The following CDH12 variants were observed in gnomAD, a reference collection of about 807,000 sequenced individuals.
CDH12 encodes the protein cadherin 12, also known as cadherin-12.
In CDH12, 41 loss-of-function variants were observed where a neutral mutation model predicts 74.1. The ratio of observed to expected loss-of-function variants is 0.55; its 90% CI spans 0.43 to 0.72. The LOEUF is 0.72. CDH12 is among the 30% of genes least tolerant of loss of function. The probability of loss-of-function intolerance (pLI) is 0.00; values close to 1 mark genes in which losing one functional copy is unlikely to be tolerated. For missense variants in CDH12, 945 were observed against 977.2 expected, an observed-to-expected ratio of 0.97 and a Z score of 0.44; for synonymous variants, 399 against 355.0, an observed-to-expected ratio of 1.12 and a Z score of -1.39.
intron 1 of CDH12, among the ~76,000 whole-genome samples, chr5:22,754,404 G>T (rs745733702): frequency 1.3e-5 from 2 of 152,028 alleles, no homozygotes; most frequent in Non-Finnish European, 2.9e-5. Context: ...AAGTGAACAG[G>T]CAGATGGAAA....
At chr5:22,660,795 C>G in intron 1 of CDH12, among the ~76,000 whole-genome samples, 1 of 152,244 alleles carries the variant, frequency 6.6e-6, no homozygotes, top group South Asian at 2.1e-4. Flanking sequence ...ATATTTCCAT[C>G]TAGATATTTT....
intron 3 of CDH12, among the ~76,000 whole-genome samples, chr5:22,319,958 G>A (rs1738798802): frequency 2.0e-5 from 3 of 152,120 alleles, no homozygotes; most frequent in Non-Finnish European, 4.4e-5. Context: ...GGAGAAGGGA[G>A]ATGGAGACTA....
intron 1 of CDH12, among the ~76,000 whole-genome samples, chr5:22,747,681 T>C (rs965588568): frequency 6.6e-6 from 1 of 151,952 alleles, no homozygotes; most frequent in Admixed American, 6.6e-5. Flanking sequence ...TAGCTAAAGT[T>C]GCATTTGAGT....
chr5:22,330,453 A>G (rs1417304267), intron 3 of CDH12, among the ~76,000 whole-genome samples: 3 of 151,958 alleles, frequency 2.0e-5, no homozygotes, highest in Non-Finnish European at 2.9e-5. Flanking sequence ...AAGACTCCCT[A>G]TATTAAAGAA....
At chr5:22,331,237 C>T (rs1326020230) in intron 3 of CDH12, among the ~76,000 whole-genome samples, 1 of 152,142 alleles carries the variant, frequency 6.6e-6, no homozygotes, top group Non-Finnish European at 1.5e-5. Flanking sequence ...GGGGAGCTTG[C>T]CATTCTAAAG....
chr5:22,674,300 TG>T (rs1169003912), intron 1 of CDH12, among the ~76,000 whole-genome samples: 2 of 152,140 alleles, frequency 1.3e-5, no homozygotes, highest in African/African-American at 4.8e-5. Context: ...GAATAAGTCT[TG>T]GGAGATCTGA....
intron 1 of CDH12, among the ~76,000 whole-genome samples, chr5:22,618,012 CTG>C (rs2126835677): frequency 6.6e-6 from 1 of 152,200 alleles, no homozygotes; most frequent in Non-Finnish European, 1.5e-5. Context: ...GATGCAGAAA[CTG>C]AGAATCGGAA....
At chr5:22,465,124 C>G (rs1745676128) in intron 2 of CDH12, among the ~76,000 whole-genome samples, 1 of 152,036 alleles carries the variant, frequency 6.6e-6, no homozygotes, top group African/African-American at 2.4e-5. Context: ...ATTTTGGAAT[C>G]TCTTGTATCT....
intron 1 of CDH12, among the ~76,000 whole-genome samples, chr5:22,688,035 C>G (rs1457588264): frequency 6.6e-6 from 1 of 151,870 alleles, no homozygotes; most frequent in Non-Finnish European, 1.5e-5. Flanking sequence ...TAGAAAGCAC[C>G]GAGAATTTAT....
At chr5:22,269,489 C>G (rs753509737) in intron 3 of CDH12, among the ~76,000 whole-genome samples, 1 of 152,060 alleles carries the variant, frequency 6.6e-6, no homozygotes, top group African/African-American at 2.4e-5. Flanking sequence ...TAGACTCTTT[C>G]TATATAAGCA....
At chr5:22,610,693 T>C (rs984881231) in intron 1 of CDH12, among the ~76,000 whole-genome samples, 11 of 152,206 alleles carry the variant, frequency 7.2e-5, no homozygotes, top group Admixed American at 7.2e-4. Context: ...TATTTTAATA[T>C]CTTATTTTAC....
chr5:22,118,910 G>GA (rs1745331123), intron 4 of CDH12, among the ~76,000 whole-genome samples: 1 of 152,142 alleles, frequency 6.6e-6, no homozygotes, highest in Non-Finnish European at 1.5e-5. Flanking sequence ...TGAGGATGAA[G>GA]TTGTTAAGCA....
intron 5 of CDH12, among the ~76,000 whole-genome samples, chr5:22,050,664 T>G (rs185205860): frequency 1.3e-5 from 2 of 152,126 alleles, no homozygotes; most frequent in African/African-American, 4.8e-5. Context: ...TGGAGTTAAT[T>G]TGGTCTTGGA....
rs1747291924 is a variant in CDH12 at position 22,779,729 on chromosome 5, AG to A, written c.-523+73328del. 4.6e-5 allele frequency among the ~76,000 whole-genome samples: 7 copies of A among 152,028 alleles called. No homozygotes were observed. In the South Asian group the frequency reaches 1.5e-3, roughly 32 times the overall value. On this transcript the variant is annotated intron_variant, in intron 1 of 14. Coordinates refer to ENST00000382254, the MANE Select transcript of CDH12 (RefSeq NM_004061.5). Reference sequence around the variant, plus strand: ...GCGTTCTAACTCCTGTCCCCATGTAAGATGTGCCTGTTTTCTCTTGAGCCAT... The same window carrying A: ...GCGTTCTAACTCCTGTCCCCATGTAAATGTGCCTGTTTTCTCTTGAGCCAT...
chr5:22,748,522 G>A (rs1489995925), intron 1 of CDH12, among the ~76,000 whole-genome samples: 2 of 152,104 alleles, frequency 1.3e-5, no homozygotes, highest in Non-Finnish European at 2.9e-5. Context: ...GAATAAAGAT[G>A]TATTTTGTTT....
At chr5:22,408,397 C>T (rs994594796) in intron 2 of CDH12, among the ~76,000 whole-genome samples, 5 of 151,558 alleles carry the variant, frequency 3.3e-5, no homozygotes, top group South Asian at 2.1e-4. Context: ...GTTGAACCAA[C>T]GTAAGTCACC....
intron 4 of CDH12, among the ~76,000 whole-genome samples, chr5:22,184,620 A>G (rs1749828196): frequency 6.6e-6 from 1 of 152,222 alleles, no homozygotes; most frequent in Admixed American, 6.5e-5. Context: ...GAAAGAAAGA[A>G]TGGATTGGAA....
chr5:22,470,863 C>CT (rs5866567), intron 2 of CDH12, among the ~76,000 whole-genome samples: 46 of 142,642 alleles, frequency 3.2e-4, no homozygotes, highest in East Asian at 2.4e-3. Flanking sequence ...AACCTTAGCG[C>CT]TTTTTTTTTT....
chr5:21,975,503 A>G (rs1189479291), intron 5 of CDH12, 118 bp from the exon 6 acceptor site: 2 of 634,496 alleles, frequency 3.2e-6, no homozygotes, highest in Admixed American at 6.8e-5. Context: ...CTTTAATCAA[A>G]AATGTTAAAT....
Sources: allele counts gnomAD v4.1 joint callset (sites outside exome capture counted in the v4.1 genomes callset), GRCh38; gene constraint gnomAD v4.1.1; transcripts MANE v1.5; gene names NCBI Gene and HGNC (gene_info 2026-07-23, HGNC 2026-07-21).